Variants in AKAP13 observed in about 807,000 individuals in gnomAD.
The protein encoded by AKAP13 is A-kinase anchoring protein 13, also known as A-kinase anchor protein 13.
A neutral mutation model predicts 264.5 loss-of-function variants in AKAP13; 80 were observed. The observed-to-expected ratio is 0.30, with a 90% CI of 0.25 to 0.36. The LOEUF (loss-of-function observed/expected upper bound fraction) is 0.36, where lower values mean the gene tolerates loss of function less well. Among genes scored for constraint, AKAP13 ranks in the 10% least tolerant of loss-of-function variants. AKAP13 has a pLI of 1.00. For synonymous variants in AKAP13, 1,380 were observed against 1,250.2 expected (o/e 1.10, Z -2.19); for missense variants, 3,712 against 3,435.2 (o/e 1.08, Z -2.01).
At chr15:85,608,498 A>G (rs2080454142) in intron 8 of AKAP13, among the ~76,000 whole-genome samples, 1 of 152,234 alleles carries the variant, frequency 6.6e-6, no homozygotes, top group African/African-American at 2.4e-5. Context: ...TCAGACCAAC[A>G]TGCAGTAGCA....
chr15:85,460,517 T>C (rs139065958), intron 1 of AKAP13, among the ~76,000 whole-genome samples: 77 of 152,338 alleles, frequency 5.1e-4, no homozygotes, highest in African/African-American at 1.8e-3. Context: ...GACAGGATAA[T>C]GGCCCCCACA....
At position 85,580,934 on chromosome 15, in the gene AKAP13, C is replaced by G; in HGVS notation, c.2866C>G (p.Pro956Ala). Residue 956 changes from proline to alanine, a missense_variant, in exon 7 of 37, where the codon CCT becomes GCT. Coordinates refer to ENST00000394518, the MANE Select transcript of AKAP13 (RefSeq NM_007200.5). ...GCAGGAAGAGCAGAGAACACCACCT[C>G]CTGGACAAGATACTCAACAATTTCA... Reference protein sequence around the residue: ...TLQEEQRTPPPGQDTQQFHEK... With the variant: ...TLQEEQRTPPAGQDTQQFHEK... 1.2e-6 allele frequency: 2 copies of G among 1,614,166 alleles called. No homozygotes were observed. Among genetic ancestry groups the G allele is most frequent in the South Asian group, 1.1e-5 (1 of 91,084 alleles).
In AKAP13 at chr15:85,718,080, G is replaced by A; in HGVS notation, c.5922G>A (p.Glu1974=). Residue 1974 remains glutamate, a synonymous_variant, in exon 22 of 37, where the codon GAG becomes GAA. Coordinates refer to ENST00000394518, the MANE Select transcript of AKAP13 (RefSeq NM_007200.5). This position sits in a 1 kb window ranked among gnomAD's most constrained non-coding sequence, Gnocchi z 4.9. ...FEIESKQLEA[E]SWSRIIDSKF... is the part of the protein sequence containing the mutation. ...TTGAGTCCAAACAGCTGGAAGCAGA[G>A]TCTTGGAGTCGGATAATAGACAGCA... 1 of 1,614,182 alleles carries A rather than the reference G, an allele frequency of 6.2e-7. No homozygotes were observed. Among genetic ancestry groups the A allele is most frequent in the South Asian group, 1.1e-5 (1 of 91,084 alleles).
At position 85,519,522 on chromosome 15, in the gene AKAP13, A is replaced by G. The variant is rs188025183; in HGVS notation, c.34-1906A>G. 6.6e-5 allele frequency among the ~76,000 whole-genome samples: 10 copies of G among 152,352 alleles called. No individual in the cohort carries two copies. In the East Asian group the frequency reaches 1.9e-3, roughly 29 times the overall value. On this transcript the variant is annotated intron_variant, in intron 2 of 36. Transcript: ENST00000394518. ...AATGGACTCTTCTCATACACGCTGC[A>G]AAAACATCTTTTTAACTGGTTGCAT...
intron 36 of AKAP13, 98 bp from the exon 37 acceptor site, chr15:85,744,530 G>A (rs540148179): frequency 1.2e-5 from 15 of 1,294,380 alleles, no homozygotes; most frequent in South Asian, 1.1e-4. Context: ...AGCCCCAGTC[G>A]CCTGTTTGCA....
chr15:85,582,388 A>T (rs1006939811), intron 7 of AKAP13, among the ~76,000 whole-genome samples: 1 of 152,164 alleles, frequency 6.6e-6, no homozygotes, highest in African/African-American at 2.4e-5. Flanking sequence ...CTAGAAAACA[A>T]TGCCTAGATC....
intron 14 of AKAP13, among the ~76,000 whole-genome samples, 155 bp downstream of exon 14, chr15:85,669,985 A>G (rs1199247071): frequency 6.6e-6 from 1 of 152,224 alleles, no homozygotes; most frequent in Non-Finnish European, 1.5e-5. Flanking sequence ...AAAAGGTGGC[A>G]TAGAGTTTAT....
rs368922328 is a variant in AKAP13, at chr15:85,486,158, T to G, written c.33+405T>G. On this transcript the variant is annotated intron_variant, in intron 2 of 36. Transcript: ENST00000394518. ...GGCACTATGTCATTGGCAAGAGTAC[T>G]GTTTTCTTTAGGACTCATCTCCCTA... 5.9e-5 allele frequency among the ~76,000 whole-genome samples: 9 copies of G among 152,354 alleles called. No homozygotes were observed. The South Asian group carries it at 8.3e-4, about 14-fold the overall frequency.
At chr15:85,452,858 A>C (rs1409018836) in intron 1 of AKAP13, among the ~76,000 whole-genome samples, 2 of 152,198 alleles carry the variant, frequency 1.3e-5, no homozygotes, top group East Asian at 3.9e-4. Flanking sequence ...GGGAGATCTC[A>C]GTATTTATGT....
At chr15:85,459,352 ATTT>A (rs557848037) in intron 1 of AKAP13, among the ~76,000 whole-genome samples, 1 of 130,668 alleles carries the variant, frequency 7.7e-6, no homozygotes, top group African/African-American at 2.8e-5. Flanking sequence ...CGCCCGGCTA[ATTT>A]TTTTTTTTTT....
Position 85,676,949 on chromosome 15 carries a change from A to G in AKAP13, c.5102-5209A>G, listed in dbSNP as rs994273970. On this transcript the variant is annotated intron_variant, in intron 14 of 36. Coordinates refer to ENST00000394518, the MANE Select transcript of AKAP13 (RefSeq NM_007200.5). ...CCCTGGCATAATCCGAGCATGCTCT[A>G]ATGTCTTCTGTGAACCTCCTTCTCA... 1.8e-5 allele frequency: 18 copies of G among 985,458 alleles called. No individual in the cohort carries two copies. The South Asian group carries it at 1.9e-4, about 10-fold the overall frequency. The allele number at this position is 985,458 out of a possible 1,614,324, so 61.0% of individuals were successfully genotyped here. A position where few individuals can be genotyped will look rare whatever the true frequency, so the allele number is the denominator to read the frequency against.
At chr15:85,574,283 T>G (rs2078933525) in intron 5 of AKAP13, among the ~76,000 whole-genome samples, 1 of 152,182 alleles carries the variant, frequency 6.6e-6, no homozygotes, top group African/African-American at 2.4e-5. Flanking sequence ...GCCCCAAGAT[T>G]CTTTCATCTG....
At position 85,741,149 on chromosome 15, in the gene AKAP13, AGGAGAAGCAGCGCAGCCT is replaced by A. The variant is rs754774367; in HGVS notation, c.7726_7743del (p.Ser2576_Arg2581del). 2.1e-5 allele frequency: 34 copies of A among 1,613,358 alleles called. No homozygotes were observed. The highest frequency in any genetic ancestry group is 1.7e-4 in the Middle Eastern group (1 of 5,978). Reference sequence around the variant, plus strand: ...TCCCGCCCGAGCTCCCTCATTGAGCAGGAGAAGCAGCGCAGCCTGGAGAAGCAGCGCCAGGACCTGGCC... The same window carrying A: ...TCCCGCCCGAGCTCCCTCATTGAGCAGGAGAAGCAGCGCCAGGACCTGGCC... On this transcript the variant is annotated inframe_deletion, in exon 35 of 37. Transcript: ENST00000394518.
intron 1 of AKAP13, among the ~76,000 whole-genome samples, chr15:85,442,462 TAC>T (rs34160784): frequency 0.11 from 12,695 of 120,270 alleles, 1,284 homozygotes; most frequent in Non-Finnish European, 0.17. Context: ...ATATATAATA[TAC>T]ATAATATATA....
intron 8 of AKAP13, among the ~76,000 whole-genome samples, chr15:85,613,713 T>TATATATGTATGTATATATA (rs1254657975): frequency 9.0e-6 from 1 of 111,026 alleles, no homozygotes; most frequent in African/African-American, 3.4e-5. Flanking sequence ...TATATATATA[T>TATATATGTATGTATATATA]TAGGAGTGCT....
chr15:85,434,431 C>T (rs1246105039), intron 1 of AKAP13, among the ~76,000 whole-genome samples: 2 of 152,226 alleles, frequency 1.3e-5, no homozygotes, highest in African/African-American at 2.4e-5. Flanking sequence ...ATTAGGTAAA[C>T]AAAGCAGCCG....
rs914144749 is a variant in AKAP13 at position 85,745,758 on chromosome 15, G to A, written c.*1081G>A. ...GGCTGAGAAGTGGGTTCAGGCGAAG[G>A]GTGAAGCCATGTGTAGCAGTTCCTG... On this transcript the variant is annotated 3_prime_UTR_variant, in exon 37 of 37. Coordinates refer to ENST00000394518, the MANE Select transcript of AKAP13 (RefSeq NM_007200.5). The A allele has an allele frequency of 1.3e-5, 2 of 152,300 alleles. No individual in the cohort carries two copies. Among genetic ancestry groups the A allele is most frequent in the African/African-American group, 2.4e-5 (1 of 41,452 alleles). 9.4% of individuals were successfully genotyped at this position (152,300 alleles called of 1,614,324 possible). A position where few individuals can be genotyped will look rare whatever the true frequency, so the allele number is the denominator to read the frequency against.
intron 1 of AKAP13, among the ~76,000 whole-genome samples, chr15:85,386,091 C>T (rs890608546): frequency 6.6e-6 from 1 of 152,190 alleles, no homozygotes; most frequent in African/African-American, 2.4e-5. Context: ...TCCCAAAGTG[C>T]TGGGATTACA....
At chr15:85,660,474 G>T (rs1238438462) in intron 12 of AKAP13, among the ~76,000 whole-genome samples, 1 of 150,304 alleles carries the variant, frequency 6.7e-6, no homozygotes. Context: ...TATCCTGGAA[G>T]TAAAGGAACA....
Sources: gnomAD v4.1 joint callset for allele counts (sites outside exome capture counted in the v4.1 genomes callset) on GRCh38, gnomAD v4.1.1 for gene constraint, Gnocchi (gnomAD v3.1) non-coding constraint, MANE v1.5 for transcripts, NCBI Gene and HGNC (gene_info 2026-07-23, HGNC 2026-07-21) for gene names.